Variants in PLIN3 observed in about 807,000 individuals in gnomAD.
PLIN3 encodes the protein perilipin-3.
PLIN3 carries 30 observed loss-of-function variants against 35.9 expected under a neutral mutation model. The ratio of observed to expected loss-of-function variants is 0.84; its 90% CI spans 0.62 to 1.13. The LOEUF is 1.13. PLIN3 is among the 50% of genes most tolerant of loss of function. The pLI, the probability that PLIN3 is intolerant of heterozygous loss-of-function variation, is 0.00. For synonymous variants in PLIN3, 261 were observed against 262.5 expected (o/e 0.99, Z 0.06); for missense variants, 603 against 596.9 (o/e 1.01, Z -0.11).
At chr19:4,859,009 T>C (rs990037845) in intron 4 of PLIN3, among the ~76,000 whole-genome samples, 6 of 151,474 alleles carry the variant, frequency 4.0e-5, no homozygotes, top group African/African-American at 1.5e-4. Context: ...GCCAGGAACA[T>C]GGTGTTTTGA....
Position 4,847,893 on chromosome 19 carries a change from G to GC in PLIN3, c.635-4dup. 1 of 1,611,198 alleles carries GC rather than the reference G, an allele frequency of 6.2e-7. No individual in the cohort carries two copies. The highest frequency in any genetic ancestry group is 8.5e-7 in the Non-Finnish European group (1 of 1,178,302). On this transcript the variant is annotated splice_polypyrimidine_tract_variant and splice_region_variant and intron_variant, in intron 5 of 7. Coordinates refer to ENST00000221957, the MANE Select transcript of PLIN3 (RefSeq NM_005817.5). ...ATCCAGGGATGTGGCGATGCGGGCT[G>GC]CAAGGAAAAGGAGAAGGGTCTCTGT...
intron 7 of PLIN3, among the ~76,000 whole-genome samples, chr19:4,843,507 C>CAAAAAAA (rs1177137897): frequency 7.6e-5 from 3 of 39,370 alleles, no homozygotes; most frequent in Non-Finnish European, 1.9e-4. Flanking sequence ...GACTCCATCT[C>CAAAAAAA]AAAAAATAAA....
At position 4,847,694 on chromosome 19, in the gene PLIN3, G is replaced by A; in HGVS notation, c.831C>T (p.Ser277=). 1 of 1,596,668 alleles carries A rather than the reference G, an allele frequency of 6.3e-7. No individual in the cohort carries two copies. Among genetic ancestry groups the A allele is most frequent in the Non-Finnish European group, 8.5e-7 (1 of 1,172,238 alleles). ...CCCCGACCCCCTGGAACCTCACCAG[G>A]CTTAGGACCTGCGACAGCTGCAGCA... is the stretch of plus-strand genomic sequence containing the variant. ...EALLQLSQVL[S]LMETVKQGVD... Residue 277 remains serine (S), a synonymous_variant, in exon 6 of 8, where the codon AGC becomes AGT. Transcript: ENST00000221957.
At chr19:4,860,288 C>T (rs1599174474) in intron 2 of PLIN3, among the ~76,000 whole-genome samples, 2 of 152,062 alleles carry the variant, frequency 1.3e-5, no homozygotes, top group African/African-American at 2.4e-5. Flanking sequence ...CTCACTGCAA[C>T]CTCCACCTCC....
intron 4 of PLIN3, among the ~76,000 whole-genome samples, chr19:4,853,498 G>C (rs2030372800): frequency 6.6e-6 from 1 of 151,392 alleles, no homozygotes; most frequent in Non-Finnish European, 1.5e-5. Flanking sequence ...GCCGATTTTT[G>C]TATTTTTAGT....
At chr19:4,861,480 G>A (rs2030675142) in intron 1 of PLIN3, 69 bp from the exon 2 acceptor site, 10 of 1,095,762 alleles carry the variant, frequency 9.1e-6, no homozygotes, top group South Asian at 1.3e-5. Flanking sequence ...CCAGGCCCAC[G>A]CTGCAGCTGG....
In PLIN3 at chr19:4,861,430, T is replaced by C; in HGVS notation, c.-17-19A>G. The C allele has an allele frequency of 3.2e-6, 5 of 1,572,394 alleles. No individual in the cohort carries two copies. The highest frequency in any genetic ancestry group is 4.4e-6 in the Non-Finnish European group (5 of 1,147,850). On this transcript the variant is annotated intron_variant, in intron 1 of 7. Coordinates refer to ENST00000221957, the MANE Select transcript of PLIN3 (RefSeq NM_005817.5). ...GCAGACGCTGAGGAGAGAGGAACAG[T>C]CAGGTACAGCCTGCCTGGCCCCACC...
At chr19:4,847,948 C>A (rs1424539671) in intron 5 of PLIN3, 58 bp from the exon 6 acceptor site, 11 of 1,213,780 alleles carry the variant, frequency 9.1e-6, no homozygotes, top group Non-Finnish European at 1.3e-5. Context: ...TGGGCTCGTC[C>A]CATGCAGACA....
intron 1 of PLIN3, 99 bp from the exon 2 acceptor site, chr19:4,861,510 C>T: frequency 2.6e-6 from 2 of 776,256 alleles, no homozygotes; most frequent in East Asian, 2.5e-5. Context: ...TTCACACCTG[C>T]CCATGACTTA....
At chr19:4,860,607 G>A (rs979062488) in intron 2 of PLIN3, among the ~76,000 whole-genome samples, 2 of 152,156 alleles carry the variant, frequency 1.3e-5, no homozygotes, top group Non-Finnish European at 2.9e-5. Flanking sequence ...TGGCAGTTAG[G>A]GTCTAAACCG....
chr19:4,860,108 C>G, intron 2 of PLIN3, 84 bp from the exon 3 acceptor site: 1 of 1,213,892 alleles, frequency 8.2e-7, no homozygotes, highest in Non-Finnish European at 1.2e-6. Context: ...TGCAGTTTTG[C>G]TCTTACTCCT....
At chr19:4,840,516 A>G (rs938584519) in intron 7 of PLIN3, among the ~76,000 whole-genome samples, 1 of 152,110 alleles carries the variant, frequency 6.6e-6, no homozygotes, top group Non-Finnish European at 1.5e-5. Flanking sequence ...GCCTCCCAAA[A>G]TGCTGGAATT....
chr19:4,859,970 T>A lies in PLIN3; in HGVS notation c.121A>T (p.Met41Leu), dbSNP rs771518518. Residue 41 changes from methionine to leucine, a missense_variant, in exon 3 of 8, where the codon ATG becomes TTG. Physicochemically the swap from Met to Leu is conservative, Grantham distance 15. Transcript: ENST00000221957. ...SMPLISSTCD[M>L]VSAAYASTKE... ...GTGGAGGCATAGGCTGCGGACACCA[T>A]GTCGCAGGTGGAGCTGATCAGAGGC... The A allele has an allele frequency of 6.2e-7, 1 of 1,613,966 alleles. No individual in the cohort carries two copies. Among genetic ancestry groups the A allele is most frequent in the African/African-American group, 1.3e-5 (1 of 74,922 alleles).
At chr19:4,852,980 A>C (rs1211244662) in intron 4 of PLIN3, among the ~76,000 whole-genome samples, 1 of 151,532 alleles carries the variant, frequency 6.6e-6, no homozygotes, top group Non-Finnish European at 1.5e-5. Context: ...ACGCCAGGCT[A>C]ATTTTGTATT....
At chr19:4,847,631 TG>T in intron 6 of PLIN3, 59 bp downstream of exon 6, 1 of 1,407,872 alleles carries the variant, frequency 7.1e-7, no homozygotes, top group Non-Finnish European at 9.8e-7. Flanking sequence ...GAGCTCTGGG[TG>T]GGTGTCTGCT....
intron 1 of PLIN3, among the ~76,000 whole-genome samples, chr19:4,865,265 G>C (rs183140299): frequency 6.6e-6 from 1 of 152,102 alleles, no homozygotes; most frequent in East Asian, 1.9e-4. Context: ...GAGGCGGGCA[G>C]ATCACCTAAG....
intron 7 of PLIN3, among the ~76,000 whole-genome samples, chr19:4,842,995 C>T (rs375270862): frequency 1.9e-4 from 29 of 151,720 alleles, no homozygotes; most frequent in African/African-American, 1.2e-4. Context: ...CCGATGTGGG[C>T]GGATCACCTG....
At chr19:4,839,689 G>A (rs560536444) in intron 7 of PLIN3, among the ~76,000 whole-genome samples, 153 bp from the exon 8 acceptor site, 7 of 150,048 alleles carry the variant, frequency 4.7e-5, no homozygotes, top group East Asian at 2.0e-4. Flanking sequence ...TTTTTGAGAC[G>A]GAGTCTCGCC....
chr19:4,855,660 G>A (rs1030733731), intron 4 of PLIN3, among the ~76,000 whole-genome samples: 4 of 151,998 alleles, frequency 2.6e-5, no homozygotes, highest in African/African-American at 7.2e-5. Flanking sequence ...CGCCCGCCTC[G>A]GCCTCCCAAA....
Sources: allele counts gnomAD v4.1 joint callset (sites outside exome capture counted in the v4.1 genomes callset), GRCh38; gene constraint gnomAD v4.1.1; transcripts MANE v1.5; gene names NCBI Gene and HGNC (gene_info 2026-07-23, HGNC 2026-07-21).